DEPDC5: variants seen among roughly 807,000 people sequenced by gnomAD.
DEPDC5 encodes the protein GATOR1 complex protein DEPDC5.
A neutral mutation model predicts 217.3 loss-of-function variants in DEPDC5; 73 were observed. The observed-to-expected ratio is 0.34, with a 90% confidence interval of 0.28 to 0.41. DEPDC5 has a LOEUF of 0.41. Among genes scored for constraint, DEPDC5 ranks in the 10% least tolerant of loss-of-function variants. DEPDC5 has a pLI of 1.00. For missense variants in DEPDC5, 1,675 were observed against 2,070.1 expected, an observed-to-expected ratio of 0.81 and a Z score of 3.70; for synonymous variants, 733 against 756.7, an observed-to-expected ratio of 0.97 and a Z score of 0.51.
At chr22:31,858,364 A>C (rs1365817423) in intron 32 of DEPDC5, 1 of 152,214 alleles carries the variant, frequency 6.6e-6, no homozygotes, top group Non-Finnish European at 1.5e-5. Context: ...CAAAAACTCC[A>C]TGGGTCTTTT....
intron 29 of DEPDC5, among the ~76,000 whole-genome samples, chr22:31,844,238 A>AT (rs2091574952): frequency 6.6e-6 from 1 of 151,956 alleles, no homozygotes; most frequent in Non-Finnish European, 1.5e-5. Flanking sequence ...AAATAAATAA[A>AT]TAAAAAAAAA....
At chr22:31,872,554 A>G (rs1192092449) in intron 34 of DEPDC5, among the ~76,000 whole-genome samples, 1 of 152,072 alleles carries the variant, frequency 6.6e-6, no homozygotes, top group Non-Finnish European at 1.5e-5. Flanking sequence ...GGTGTTACCT[A>G]GTACTCTGGT....
intron 38 of DEPDC5, among the ~76,000 whole-genome samples, chr22:31,887,437 A>G (rs941182846): frequency 3.3e-5 from 5 of 151,146 alleles, no homozygotes; most frequent in Non-Finnish European, 5.9e-5. Context: ...AAAAAAAAAA[A>G]AAGAGAAAAG....
intron 7 of DEPDC5, among the ~76,000 whole-genome samples, chr22:31,777,265 T>G (rs1402244650): frequency 2.3e-5 from 3 of 128,698 alleles, no homozygotes; most frequent in Non-Finnish European, 5.0e-5. Flanking sequence ...TGGCCCTAAG[T>G]TTTTTTTTTT....
chr22:31,772,145 G>T (rs1968999953), intron 7 of DEPDC5, among the ~76,000 whole-genome samples: 1 of 152,112 alleles, frequency 6.6e-6, no homozygotes, highest in African/African-American at 2.4e-5. Flanking sequence ...GGTTGGAGGA[G>T]CACTGAAGCA....
At chr22:31,858,209 C>T (rs778480762) in intron 32 of DEPDC5, 1 of 152,192 alleles carries the variant, frequency 6.6e-6, no homozygotes, top group Non-Finnish European at 1.5e-5. Context: ...TCCACCAGAG[C>T]TCGCTCTTCT....
chr22:31,832,495 T>TC (rs1323320111), intron 24 of DEPDC5, among the ~76,000 whole-genome samples: 5 of 152,118 alleles, frequency 3.3e-5, no homozygotes, highest in Non-Finnish European at 7.4e-5. Flanking sequence ...CTTTTTTTTT[T>TC]TTTTCTTTTG....
intron 30 of DEPDC5, among the ~76,000 whole-genome samples, chr22:31,845,729 A>G (rs1201595919): frequency 2.0e-5 from 3 of 151,956 alleles, no homozygotes; most frequent in Non-Finnish European, 4.4e-5. Flanking sequence ...CATTTTTTTT[A>G]AACATATAGT....
chr22:31,812,099 A>G (rs1257419463), intron 20 of DEPDC5, among the ~76,000 whole-genome samples: 1 of 149,418 alleles, frequency 6.7e-6, no homozygotes, highest in Non-Finnish European at 1.5e-5. Context: ...AGCAATTCTC[A>G]TGCCTCAGCC....
intron 7 of DEPDC5, among the ~76,000 whole-genome samples, chr22:31,774,422 C>T (rs2060307203): frequency 6.6e-6 from 1 of 151,478 alleles, no homozygotes; most frequent in Non-Finnish European, 1.5e-5. Flanking sequence ...TGGTCTTGAA[C>T]TCCCGACCTC....
intron 40 of DEPDC5, 42 bp from the exon 41 acceptor site, chr22:31,901,700 C>T: frequency 6.4e-7 from 1 of 1,558,918 alleles, no homozygotes; most frequent in South Asian, 1.2e-5. Context: ...AATTACAAAC[C>T]TTGTGATCAC....
Position 31,906,241 on chromosome 22 carries a change from A to C in DEPDC5, c.4556A>C (p.Lys1519Thr), listed in dbSNP as rs768520373. 1.2e-6 allele frequency: 2 copies of C among 1,613,978 alleles called. No homozygotes were observed. The highest frequency in any genetic ancestry group is 1.1e-5 in the South Asian group (1 of 91,090). ...VFLQLPYSKR[K>T]FSGQQRRRRN... Reference sequence around the variant, plus strand: ...CTGCAGCTGCCCTACTCCAAGCGCAAGTTCTCAGGGCAGCAGCGGCGGCGG... The same window carrying C: ...CTGCAGCTGCCCTACTCCAAGCGCACGTTCTCAGGGCAGCAGCGGCGGCGG... Residue 1519 changes from lysine to threonine, a missense_variant, in exon 43 of 43, where the codon AAG (lysine) becomes ACG (threonine). This residue lies in a region of DEPDC5 where 182 missense variants were observed against 290.1 expected (regional missense o/e 0.63). Transcript: ENST00000651528. The surrounding 1 kb of genome is among the most constrained non-coding windows in gnomAD (Gnocchi z 5.1).
chr22:31,825,322 A>G (rs1210894463), intron 24 of DEPDC5, among the ~76,000 whole-genome samples: 2 of 152,152 alleles, frequency 1.3e-5, no homozygotes, highest in Non-Finnish European at 2.9e-5. Flanking sequence ...AGTTTCAAAG[A>G]ATCTTTATTT....
chr22:31,824,807 A>C (rs897596408), intron 24 of DEPDC5, among the ~76,000 whole-genome samples: 2 of 151,866 alleles, frequency 1.3e-5, no homozygotes, highest in Non-Finnish European at 2.9e-5. Flanking sequence ...TCTACCAAAA[A>C]AATACAAAAA....
chr22:31,841,573 T>G (rs2148991686), intron 27 of DEPDC5, among the ~76,000 whole-genome samples: 1 of 152,350 alleles, frequency 6.6e-6, no homozygotes, highest in South Asian at 2.1e-4. Context: ...CTTCTAGAAG[T>G]GTCCCGTTGG....
At chr22:31,902,485 C>T (rs1208169779) in intron 41 of DEPDC5, among the ~76,000 whole-genome samples, 2 of 149,578 alleles carry the variant, frequency 1.3e-5, no homozygotes, top group South Asian at 2.1e-4. Context: ...CTCACACCCA[C>T]GATGGCCCCA....
chr22:31,818,641 T>C (rs2089397482), intron 21 of DEPDC5, among the ~76,000 whole-genome samples: 1 of 152,144 alleles, frequency 6.6e-6, no homozygotes, highest in African/African-American at 2.4e-5. Context: ...GGTGACCACA[T>C]AGCTATTTTT....
intron 26 of DEPDC5, among the ~76,000 whole-genome samples, chr22:31,837,600 C>T (rs1385921865): frequency 6.6e-6 from 1 of 152,172 alleles, no homozygotes; most frequent in Admixed American, 6.5e-5. Context: ...GTCATCTGCC[C>T]ATCTGTTGCG....
intron 39 of DEPDC5, chr22:31,894,720 C>G (rs2093512413): frequency 6.6e-6 from 1 of 152,138 alleles, no homozygotes; most frequent in Non-Finnish European, 1.5e-5. Flanking sequence ...TGGTGCACGC[C>G]TGTAGTCCCA....
Sources: allele counts gnomAD v4.1 joint callset (sites outside exome capture counted in the v4.1 genomes callset), GRCh38; gene constraint gnomAD v4.1.1; regional missense constraint gnomAD v4.1.1; non-coding constraint Gnocchi (gnomAD v3.1); transcripts MANE v1.5; gene names NCBI Gene and HGNC (gene_info 2026-07-23, HGNC 2026-07-21).